IQCE: variants seen among roughly 807,000 people sequenced by gnomAD.
IQCE encodes the protein IQ motif containing E.
A neutral mutation model predicts 96.0 loss-of-function variants in IQCE; 115 were observed. That is an observed-to-expected ratio of 1.20 (90% CI 1.03 to 1.40). The LOEUF (loss-of-function observed/expected upper bound fraction) is 1.40. IQCE is among the 40% of genes most tolerant of loss of function. The pLI, the probability that IQCE is intolerant of heterozygous loss-of-function variation, is 0.00. For synonymous variants in IQCE, 412 were observed against 371.2 expected, an observed-to-expected ratio of 1.11 and a Z score of -1.26; for missense variants, 1,041 against 909.1, an observed-to-expected ratio of 1.15 and a Z score of -1.87.
Position 2,571,625 on chromosome 7 carries a change from A to C in IQCE, c.230A>C (p.Gln77Pro), listed in dbSNP as rs1191872138. The change falls in exon 4 of 22, where the codon CAG becomes CCG. Residue 77 changes from glutamine to proline, a missense_variant. By Grantham distance (76) the Gln-to-Pro change is moderately conservative (BLOSUM62 -1). Transcript: ENST00000402050. ...PLGGRASLTPQKLWLGTAKPG... is the reference protein window; with the variant it reads ...PLGGRASLTPPKLWLGTAKPG... Reference sequence around the variant, plus strand: ...GGCGGCCGAGCGTCCCTGACCCCGCAGAAGCTGTGGCTGGGAACCGCAAAG... The same window carrying C: ...GGCGGCCGAGCGTCCCTGACCCCGCCGAAGCTGTGGCTGGGAACCGCAAAG... 1.2e-6 allele frequency: 2 copies of C among 1,600,588 alleles called. No homozygotes were observed. Among genetic ancestry groups the C allele is most frequent in the African/African-American group, 1.3e-5 (1 of 74,930 alleles).
chr7:2,605,689 T>A (rs184661100), intron 19 of IQCE, among the ~76,000 whole-genome samples, 187 bp from the exon 20 acceptor site: 1 of 151,642 alleles, frequency 6.6e-6, no homozygotes, highest in East Asian at 1.9e-4. Context: ...TCCCTACAGT[T>A]TAAAAATTCA....
At chr7:2,577,987 C>T (rs1420873892) in intron 6 of IQCE, among the ~76,000 whole-genome samples, 1 of 138,710 alleles carries the variant, frequency 7.2e-6, no homozygotes, top group East Asian at 2.1e-4. Flanking sequence ...GTGTGTGCGG[C>T]GTGTGCGCAT....
chr7:2,602,383 C>G (rs1410092234), intron 18 of IQCE, among the ~76,000 whole-genome samples: 1 of 152,188 alleles, frequency 6.6e-6, no homozygotes, highest in Non-Finnish European at 1.5e-5. Flanking sequence ...CTTTATTTTG[C>G]TGGAGTCCTG....
chr7:2,575,819 G>A (rs945898141), intron 6 of IQCE, among the ~76,000 whole-genome samples: 2 of 152,188 alleles, frequency 1.3e-5, no homozygotes, highest in Non-Finnish European at 2.9e-5. Context: ...AAAACTGAAG[G>A]AGCTCCCTGC....
At chr7:2,572,684 G>A in intron 5 of IQCE, 1 of 470,742 alleles carries the variant, frequency 2.1e-6, no homozygotes. Context: ...AAGAGAATCA[G>A]CTTGTTTCTG....
At chr7:2,598,273 G>C (rs992506239) in intron 16 of IQCE, 192 bp from the exon 17 acceptor site, 1 of 528,016 alleles carries the variant, frequency 1.9e-6, no homozygotes, top group African/African-American at 1.9e-5. Context: ...CCTAGACGCT[G>C]TCTCTCAGCA....
At chr7:2,587,495 C>A (rs1259388277) in intron 12 of IQCE, among the ~76,000 whole-genome samples, 8 of 152,016 alleles carry the variant, frequency 5.3e-5, no homozygotes, top group Non-Finnish European at 1.2e-4. Flanking sequence ...GGCTGAGAAC[C>A]GATTGTTGGA....
chr7:2,597,357 C>T (rs900326522), intron 16 of IQCE, among the ~76,000 whole-genome samples: 6 of 152,264 alleles, frequency 3.9e-5, no homozygotes, highest in Non-Finnish European at 8.8e-5. Flanking sequence ...GCAGGCCCTT[C>T]ACTGTCTAGG....
At chr7:2,578,432 GC>G (rs758381726) in intron 7 of IQCE, 43 bp from the exon 8 acceptor site, 7 of 1,588,846 alleles carry the variant, frequency 4.4e-6, no homozygotes, top group Non-Finnish European at 5.1e-6. Flanking sequence ...CCTGCTGGGG[GC>G]TACACCGAAG....
In IQCE at chr7:2,605,945, A is replaced by G. The variant is rs1473225382; in HGVS notation, c.1813A>G (p.Ile605Val). Reference protein sequence around the residue: ...ATGSPVQEEAIVIIQSALRAH... With the variant: ...ATGSPVQEEAVVIIQSALRAH... ...GGGCAGCCCTGTGCAGGAGGAGGCC[A>G]TCGTCATCATCCAGTCCGCTCTGCG... The change falls in exon 20 of 22, where the codon ATC becomes GTC. Residue 605 changes from isoleucine (I) to valine (V), a missense_variant. Coordinates refer to ENST00000402050, the MANE Select transcript of IQCE (RefSeq NM_152558.5). 1.9e-5 allele frequency: 30 copies of G among 1,611,256 alleles called. No individual in the cohort carries two copies. The highest frequency in any genetic ancestry group is 2.3e-5 in the Non-Finnish European group (27 of 1,179,294).
At chr7:2,592,794 G>C (rs971489556) in intron 14 of IQCE, among the ~76,000 whole-genome samples, 1 of 152,260 alleles carries the variant, frequency 6.6e-6, no homozygotes, top group African/African-American at 2.4e-5. Context: ...CTCTGGCTTA[G>C]TCCGGTTGAT....
chr7:2,590,299 G>GTGTCCCCACAGGCA (rs1562657670), intron 14 of IQCE, among the ~76,000 whole-genome samples, 193 bp downstream of exon 14: 1 of 152,078 alleles, frequency 6.6e-6, no homozygotes, highest in Non-Finnish European at 1.5e-5. Context: ...GGCCCCACCA[G>GTGTCCCCACAGGCA]CAGCCTCACC....
chr7:2,604,955 C>T lies in IQCE; in HGVS notation c.1707C>T (p.Gly569=), dbSNP rs74809904. 1.5e-3 allele frequency: 2,472 copies of T among 1,613,660 alleles called. 44 individuals carry two copies. The African/African-American group carries it at 0.028, about 18-fold the overall frequency. The change falls in exon 19 of 22, where the codon GGC becomes GGT. Residue 569 remains glycine, a synonymous_variant. Coordinates refer to ENST00000402050, the MANE Select transcript of IQCE (RefSeq NM_152558.5). ...RTKLLASKAH[G]SEPPSVPGLP... is the part of the protein sequence containing the mutation. ...AGCTCTTAGCAAGCAAAGCACATGG[C>T]TCAGAGCCACCCAGCGTGCCAGGCC...
intron 15 of IQCE, 50 bp downstream of exon 15, chr7:2,593,176 C>T: frequency 6.5e-7 from 1 of 1,549,206 alleles, no homozygotes; most frequent in Non-Finnish European, 8.8e-7. Flanking sequence ...GTCCGCACTC[C>T]TGCTACCACT....
chr7:2,578,149 A>G, intron 6 of IQCE, 93 bp from the exon 7 acceptor site: 2 of 946,954 alleles, frequency 2.1e-6, no homozygotes, highest in East Asian at 4.9e-5. Flanking sequence ...GCGTGCCCGC[A>G]TTGGCGTGTG....
intron 21 of IQCE, among the ~76,000 whole-genome samples, chr7:2,609,454 C>T (rs1583529847): frequency 6.6e-6 from 1 of 152,144 alleles, no homozygotes; most frequent in African/African-American, 2.4e-5. Flanking sequence ...AGAAACGCTC[C>T]TACACACGGG....
chr7:2,559,049 G>A lies in IQCE; in HGVS notation c.-133G>A. 2.3e-6 allele frequency: 1 copy of A among 436,638 alleles called. No homozygotes were observed. Among genetic ancestry groups the A allele is most frequent in the Non-Finnish European group, 3.6e-6 (1 of 275,104 alleles). 27.0% of individuals were successfully genotyped at this position (436,638 alleles called of 1,614,324 possible). On this transcript the variant is annotated 5_prime_UTR_variant, in exon 1 of 22. Transcript: ENST00000402050. ...GGCTGGGTAGGTCGGCGGCCTGGTT[G>A]CCATGGCAGCGGGGTCGCGGGCCGG...
Position 2,594,877 on chromosome 7 carries a change from C to T in IQCE, c.1350-9C>T, listed in dbSNP as rs1180298962. 13 of 1,593,966 alleles carry T rather than the reference C, an allele frequency of 8.2e-6. No homozygotes were observed. In the East Asian group the frequency reaches 2.9e-4, roughly 36 times the overall value. On this transcript the variant is annotated splice_polypyrimidine_tract_variant and intron_variant, in intron 15 of 21. Transcript: ENST00000402050. ...GTGAGGTGTCTCATCTTTTCCCTTT[C>T]CGCCTTAGAGAGGAGATTCAGACAC...
chr7:2,579,951 C>T (rs188650530), intron 8 of IQCE, among the ~76,000 whole-genome samples: 2 of 152,048 alleles, frequency 1.3e-5, no homozygotes, highest in South Asian at 2.1e-4. Context: ...TGGGGTCTTG[C>T]GAAGTTTCCC....
Sources: allele counts gnomAD v4.1 joint callset (sites outside exome capture counted in the v4.1 genomes callset), GRCh38; gene constraint gnomAD v4.1.1; transcripts MANE v1.5; gene names NCBI Gene and HGNC (gene_info 2026-07-23, HGNC 2026-07-21).